Variants in LDAH observed in about 807,000 individuals in gnomAD.
The protein encoded by LDAH is lipid droplet associated hydrolase, also known as lipid droplet-associated hydrolase.
Under a neutral mutation model 29.6 loss-of-function variants are expected in LDAH, and 26 were observed. The observed-to-expected ratio is 0.88, with a 90% confidence interval of 0.64 to 1.22. The LOEUF is 1.22. Among genes scored for constraint, LDAH ranks in the 50% most tolerant of loss-of-function variants. The probability of loss-of-function intolerance (pLI) is 0.00; values close to 1 mark genes in which losing one functional copy is unlikely to be tolerated. For synonymous variants in LDAH, 117 were observed against 133.0 expected, an observed-to-expected ratio of 0.88 and a Z score of 0.83; for missense variants, 344 against 387.3, an observed-to-expected ratio of 0.89 and a Z score of 0.94.
Position 20,801,413 on chromosome 2 carries a change from C to T in LDAH, c.51G>A (p.Leu17=). The T allele has an allele frequency of 6.2e-7, 1 of 1,614,130 alleles. No homozygotes were observed. Among genetic ancestry groups the T allele is most frequent in the Non-Finnish European group, 8.5e-7 (1 of 1,180,004 alleles). The change falls in exon 2 of 7, where the codon TTG becomes TTA. Residue 17 remains leucine, a synonymous_variant. Transcript: ENST00000237822. ...EEIPVHEEFI[L]CGGAETQVLK... is the part of the protein sequence containing the mutation. ...GAACCTGGGTTTCGGCTCCACCACACAAAATGAATTCCTCATGCACAGGAA... is the reference window on the plus strand; with the variant it reads ...GAACCTGGGTTTCGGCTCCACCACATAAAATGAATTCCTCATGCACAGGAA...
chr2:20,811,713 T>C (rs1022067487), intron 1 of LDAH, among the ~76,000 whole-genome samples: 2 of 151,992 alleles, frequency 1.3e-5, no homozygotes, highest in African/African-American at 4.8e-5. Context: ...CTCGATCTCC[T>C]GACCTCGTGA....
Position 20,783,993 on chromosome 2 carries a change from G to A in LDAH, c.298+6262C>T, listed in dbSNP as rs565009584. On this transcript the variant is annotated intron_variant, in intron 3 of 6. Coordinates refer to ENST00000237822, the MANE Select transcript of LDAH (RefSeq NM_021925.4). ...CTCCCAAAGTGCTGGAATTACGGGC[G>A]TGTATAACTGTGCCTGGTCCTAAAG... Among the ~76,000 whole-genome samples, 22 of 152,284 alleles carry A rather than the reference G, an allele frequency of 1.4e-4. 1 individual carries two copies. In the South Asian group the frequency reaches 4.3e-3, roughly 30 times the overall value.
At chr2:20,752,221 A>C (rs1168988718) in intron 4 of LDAH, among the ~76,000 whole-genome samples, 1 of 151,922 alleles carries the variant, frequency 6.6e-6, no homozygotes, top group Non-Finnish European at 1.5e-5. Context: ...AAAAAAATTT[A>C]TACTTCAATT....
chr2:20,754,176 AT>A (rs1558445252), intron 4 of LDAH, among the ~76,000 whole-genome samples: 1 of 152,100 alleles, frequency 6.6e-6, no homozygotes, highest in Non-Finnish European at 1.5e-5. Context: ...TAGACTCTTT[AT>A]TCATTGCTAA....
intron 1 of LDAH, among the ~76,000 whole-genome samples, chr2:20,808,657 CAAA>C (rs57055848): frequency 6.3e-5 from 5 of 78,774 alleles, no homozygotes; most frequent in Admixed American, 1.5e-4. Context: ...GACTCCGTCT[CAAA>C]AAAAAAAAAA....
rs1662514545 is a variant in LDAH at position 20,685,750 on chromosome 2, T to C, written c.*1153A>G. 6 of 1,439,904 alleles carry C rather than the reference T, an allele frequency of 4.2e-6. No homozygotes were observed. The highest frequency in any genetic ancestry group is 5.6e-6 in the Non-Finnish European group (6 of 1,078,752). The allele number at this position is 1,439,904 out of a possible 1,614,324, so 89.2% of individuals were successfully genotyped here. ...AGTCAATTTAGGGGAGGCAGCAATA[T>C]TGTCAGCCCACTCTAGGCCAGGGAA... On this transcript the variant is annotated 3_prime_UTR_variant, in exon 7 of 7. Coordinates refer to ENST00000237822, the MANE Select transcript of LDAH (RefSeq NM_021925.4).
intron 1 of LDAH, among the ~76,000 whole-genome samples, chr2:20,822,683 T>G (rs1044900931): frequency 3.9e-5 from 6 of 152,182 alleles, no homozygotes; most frequent in Non-Finnish European, 7.4e-5. Context: ...GCCCAGAGTT[T>G]GACCCCTCCT....
chr2:20,789,810 C>T (rs1204467845), intron 3 of LDAH, among the ~76,000 whole-genome samples: 1 of 152,144 alleles, frequency 6.6e-6, no homozygotes, highest in East Asian at 1.9e-4. Context: ...GTGAACTGTG[C>T]ATGCCAGATC....
At chr2:20,771,985 G>A (rs1669466380) in intron 4 of LDAH, among the ~76,000 whole-genome samples, 1 of 152,118 alleles carries the variant, frequency 6.6e-6, no homozygotes, top group East Asian at 1.9e-4. Context: ...CAAAAGCAAG[G>A]ACACCTGAAG....
chr2:20,724,916 CTTG>C (rs758427727), intron 5 of LDAH, among the ~76,000 whole-genome samples: 51 of 152,156 alleles, frequency 3.4e-4, no homozygotes, highest in Non-Finnish European at 5.6e-4. Context: ...AGGAGAGGGA[CTTG>C]TTGGTACTGA....
At chr2:20,773,958 A>G (rs1669612014) in intron 4 of LDAH, among the ~76,000 whole-genome samples, 1 of 152,156 alleles carries the variant, frequency 6.6e-6, no homozygotes, top group African/African-American at 2.4e-5. Context: ...TATCACATCT[A>G]TTGGTTAGAC....
chr2:20,742,956 T>G (rs1667299899), intron 4 of LDAH, among the ~76,000 whole-genome samples: 1 of 151,884 alleles, frequency 6.6e-6, no homozygotes, highest in Admixed American at 6.6e-5. Context: ...AGATGGTCTG[T>G]CTCCCTATGT....
intron 4 of LDAH, among the ~76,000 whole-genome samples, chr2:20,742,529 A>T (rs1667254052): frequency 6.6e-6 from 1 of 151,978 alleles, no homozygotes. Context: ...TGGAGGACTG[A>T]CCTCTTTATC....
chr2:20,808,943 C>CGAAAGGAG (rs1672278329), intron 1 of LDAH, among the ~76,000 whole-genome samples: 2 of 152,184 alleles, frequency 1.3e-5, no homozygotes, highest in Non-Finnish European at 2.9e-5. Context: ...TGACTCCTTT[C>CGAAAGGAG]TCACACCACA....
In LDAH at chr2:20,774,917, C is replaced by T. The variant is rs780497230; in HGVS notation, c.361G>A (p.Ala121Thr). 6.2e-7 allele frequency: 1 copy of T among 1,613,610 alleles called. No homozygotes were observed. Among genetic ancestry groups the T allele is most frequent in the East Asian group, 2.2e-5 (1 of 44,878 alleles). Reference sequence around the variant, plus strand: ...TTTGGCACATGAGTTCTCAGGAAAGCTAGTTTGTGCTCTATTTGTCCATTT... The same window carrying T: ...TTTGGCACATGAGTTCTCAGGAAAGTTAGTTTGTGCTCTATTTGTCCATTT... ...GLNGQIEHKL[A>T]FLRTHVPKDM... The change falls in exon 4 of 7, where the codon GCT (alanine) becomes ACT (threonine). Residue 121 changes from alanine (A) to threonine (T), a missense_variant. Coordinates refer to ENST00000237822, the MANE Select transcript of LDAH (RefSeq NM_021925.4).
At chr2:20,696,161 G>A (rs941514242) in intron 6 of LDAH, among the ~76,000 whole-genome samples, 3 of 152,224 alleles carry the variant, frequency 2.0e-5, no homozygotes, top group Non-Finnish European at 4.4e-5. Context: ...TGGCGGAAAG[G>A]CAGGCCTGGT....
chr2:20,811,312 C>G (rs1170046138), intron 1 of LDAH, among the ~76,000 whole-genome samples: 1 of 151,802 alleles, frequency 6.6e-6, no homozygotes, highest in Non-Finnish European at 1.5e-5. Context: ...GCGGCCGCGC[C>G]CGGACTCAAC....
At chr2:20,736,900 T>C (rs111240401) in intron 5 of LDAH, among the ~76,000 whole-genome samples, 4 of 152,340 alleles carry the variant, frequency 2.6e-5, no homozygotes, top group African/African-American at 9.6e-5. Flanking sequence ...TCTCTGGGTA[T>C]CTCCCATGTA....
chr2:20,692,747 T>G (rs1663128804), intron 6 of LDAH, among the ~76,000 whole-genome samples: 1 of 152,138 alleles, frequency 6.6e-6, no homozygotes, highest in Non-Finnish European at 1.5e-5. Flanking sequence ...AAATCCAGCT[T>G]GATGAGCCTT....
Sources: gnomAD v4.1 joint callset for allele counts (sites outside exome capture counted in the v4.1 genomes callset) on GRCh38, gnomAD v4.1.1 for gene constraint, MANE v1.5 for transcripts, NCBI Gene and HGNC (gene_info 2026-07-23, HGNC 2026-07-21) for gene names.